ARHGAP24: variants seen among roughly 807,000 people sequenced by gnomAD.
ARHGAP24 encodes rho GTPase-activating protein 24.
ARHGAP24 carries 50 observed loss-of-function variants against 76.4 expected under a neutral mutation model. The observed-to-expected ratio is 0.65, with a 90% CI of 0.52 to 0.83. ARHGAP24 has a LOEUF of 0.83. Ranked by LOEUF, ARHGAP24 falls within the 40% of genes least tolerant of loss-of-function variation. ARHGAP24 has a pLI of 0.00. For synonymous variants in ARHGAP24, 345 were observed against 323.3 expected, an observed-to-expected ratio of 1.07 and a Z score of -0.72; for missense variants, 930 against 914.2, an observed-to-expected ratio of 1.02 and a Z score of -0.22.
intron 3 of ARHGAP24, among the ~76,000 whole-genome samples, chr4:85,726,063 T>C (rs563714213): frequency 1.3e-5 from 2 of 152,294 alleles, no homozygotes; most frequent in Non-Finnish European, 2.9e-5. Flanking sequence ...TTTTGAAAAC[T>C]GCTTCCTCCA....
Position 85,894,631 on chromosome 4 carries a change from G to A in ARHGAP24, c.269-29017G>A, listed in dbSNP as rs111273950. Reference sequence around the variant, plus strand: ...CCCACATTATTCATTAAAGTATTTAGCAGGATGAGGATGCAAAGGCATAAA... The same window carrying A: ...CCCACATTATTCATTAAAGTATTTAACAGGATGAGGATGCAAAGGCATAAA... On this transcript the variant is annotated intron_variant, in intron 3 of 9. Coordinates refer to ENST00000395184, the MANE Select transcript of ARHGAP24 (RefSeq NM_001025616.3). Among the ~76,000 whole-genome samples the A allele has an allele frequency of 7.9e-3, 1,204 of 152,174 alleles. 14 individuals are homozygous for A. The highest frequency in any genetic ancestry group is 0.027 in the Middle Eastern group (8 of 294).
intron 4 of ARHGAP24, among the ~76,000 whole-genome samples, chr4:85,931,437 G>A (rs914185876): frequency 1.3e-4 from 20 of 152,050 alleles, no homozygotes; most frequent in Non-Finnish European, 2.4e-4. Context: ...CTGTGTTCCC[G>A]TCACCTTGTT....
intron 7 of ARHGAP24, chr4:85,975,691 C>T (rs1739279322): frequency 6.6e-6 from 1 of 152,298 alleles, no homozygotes; most frequent in Non-Finnish European, 1.5e-5. Flanking sequence ...ATGATTGGCA[C>T]TACAAGTCAC....
At chr4:85,999,606 T>A (rs1292115949) in intron 9 of ARHGAP24, among the ~76,000 whole-genome samples, 1 of 152,152 alleles carries the variant, frequency 6.6e-6, no homozygotes, top group Non-Finnish European at 1.5e-5. Context: ...ATAGGAGAAA[T>A]TAAAAAGTCA....
chr4:85,762,944 T>C (rs1726786985), intron 3 of ARHGAP24, among the ~76,000 whole-genome samples: 1 of 152,196 alleles, frequency 6.6e-6, no homozygotes. Context: ...CGTTTCCAAA[T>C]ACACATTTTA....
chr4:85,982,507 C>T (rs1739727454), intron 8 of ARHGAP24, among the ~76,000 whole-genome samples: 2 of 152,048 alleles, frequency 1.3e-5, no homozygotes, highest in African/African-American at 4.8e-5. Flanking sequence ...TTTCATTTAA[C>T]CCAGGATCAA....
intron 2 of ARHGAP24, among the ~76,000 whole-genome samples, chr4:85,577,058 G>C (rs1210983980): frequency 6.6e-6 from 1 of 151,402 alleles, no homozygotes; most frequent in African/African-American, 2.4e-5. Flanking sequence ...ATAAACATTA[G>C]TATTTTTATA....
intron 4 of ARHGAP24, among the ~76,000 whole-genome samples, chr4:85,929,774 A>G (rs950244530): frequency 6.6e-6 from 1 of 152,244 alleles, no homozygotes; most frequent in Non-Finnish European, 1.5e-5. Flanking sequence ...CAGGGTATGC[A>G]TGTTAAATCA....
chr4:85,876,066 G>C (rs996539864), intron 3 of ARHGAP24, among the ~76,000 whole-genome samples: 1 of 151,926 alleles, frequency 6.6e-6, no homozygotes, highest in African/African-American at 2.4e-5. Context: ...TTAATACATG[G>C]CATTATTTTT....
intron 1 of ARHGAP24, among the ~76,000 whole-genome samples, chr4:85,523,535 C>T (rs1221207770): frequency 3.9e-5 from 6 of 152,138 alleles, no homozygotes; most frequent in Non-Finnish European, 7.4e-5. Flanking sequence ...GTGCAGTTGT[C>T]AGACAATTTA....
At chr4:85,744,505 G>A (rs1229826362) in intron 3 of ARHGAP24, among the ~76,000 whole-genome samples, 1 of 152,176 alleles carries the variant, frequency 6.6e-6, no homozygotes, top group Non-Finnish European at 1.5e-5. Flanking sequence ...ACAAATTCAA[G>A]GAGAATGGAT....
chr4:85,793,589 C>T (rs987417860), intron 3 of ARHGAP24, among the ~76,000 whole-genome samples: 1 of 152,104 alleles, frequency 6.6e-6, no homozygotes, highest in African/African-American at 2.4e-5. Context: ...TTAAACATGT[C>T]TTAAAAGTTT....
intron 3 of ARHGAP24, among the ~76,000 whole-genome samples, chr4:85,751,284 C>G (rs1442967782): frequency 6.6e-6 from 1 of 151,916 alleles, no homozygotes; most frequent in Non-Finnish European, 1.5e-5. Flanking sequence ...TGCATGGGTG[C>G]AGAATATTTA....
chr4:85,694,459 C>T (rs560798756), intron 2 of ARHGAP24, among the ~76,000 whole-genome samples: 67 of 152,248 alleles, frequency 4.4e-4, no homozygotes, highest in Middle Eastern at 3.4e-3. Flanking sequence ...GTATACCAAG[C>T]ATCTAGAGCA....
chr4:85,489,850 C>A (rs963160465), intron 1 of ARHGAP24, among the ~76,000 whole-genome samples: 3 of 152,124 alleles, frequency 2.0e-5, no homozygotes, highest in African/African-American at 7.2e-5. Context: ...TAGCAAGTAA[C>A]ACTCGGACCA....
intron 3 of ARHGAP24, among the ~76,000 whole-genome samples, chr4:85,877,035 C>G (rs181154227): frequency 6.6e-6 from 1 of 152,042 alleles, no homozygotes; most frequent in Non-Finnish European, 1.5e-5. Flanking sequence ...TCATGTAAAT[C>G]GTCAGTTATA....
chr4:85,609,307 G>T (rs957182396), intron 2 of ARHGAP24, among the ~76,000 whole-genome samples: 2 of 152,102 alleles, frequency 1.3e-5, no homozygotes, highest in Non-Finnish European at 2.9e-5. Flanking sequence ...GAGCAATAGT[G>T]TTGTTTCCGT....
intron 2 of ARHGAP24, among the ~76,000 whole-genome samples, chr4:85,681,459 A>G (rs1723201560): frequency 1.3e-5 from 2 of 152,212 alleles, no homozygotes; most frequent in Admixed American, 6.5e-5. Flanking sequence ...CTCATGTGAC[A>G]TTCAACTCTC....
chr4:85,907,413 T>C (rs1734826719), intron 3 of ARHGAP24, among the ~76,000 whole-genome samples: 1 of 152,246 alleles, frequency 6.6e-6, no homozygotes, highest in African/African-American at 2.4e-5. Context: ...ACGTATTATC[T>C]TGATATTCAT....
Sources: gnomAD v4.1 joint callset for allele counts (sites outside exome capture counted in the v4.1 genomes callset) on GRCh38, gnomAD v4.1.1 for gene constraint, MANE v1.5 for transcripts, NCBI Gene and HGNC (gene_info 2026-07-23, HGNC 2026-07-21) for gene names.